PALLD: variants seen among roughly 807,000 people sequenced by gnomAD.
PALLD encodes the protein palladin, cytoskeletal associated protein.
PALLD carries 61 observed loss-of-function variants against 123.5 expected under a neutral mutation model. The ratio of observed to expected loss-of-function variants is 0.49; its 90% CI spans 0.40 to 0.61. The LOEUF (loss-of-function observed/expected upper bound fraction) is 0.61. PALLD is among the 20% of genes least tolerant of loss of function. PALLD has a pLI of 0.00. For synonymous variants in PALLD, 465 were observed against 496.4 expected, an observed-to-expected ratio of 0.94 and a Z score of 0.84; for missense variants, 1,273 against 1,377.0, an observed-to-expected ratio of 0.92 and a Z score of 1.20.
At chr4:168,508,862 C>A (rs1390769188) in intron 1 of PALLD, among the ~76,000 whole-genome samples, 1 of 152,244 alleles carries the variant, frequency 6.6e-6, no homozygotes, top group Admixed American at 6.5e-5. Context: ...AAGAGTTGAT[C>A]CTGATCCTGG....
At chr4:168,798,744 T>TCC (rs1561536068) in intron 10 of PALLD, among the ~76,000 whole-genome samples, 8 of 152,224 alleles carry the variant, frequency 5.3e-5, no homozygotes, top group Non-Finnish European at 1.0e-4. Context: ...TGTTTTAAAT[T>TCC]TTTTCAAAAT....
intron 10 of PALLD, among the ~76,000 whole-genome samples, chr4:168,864,982 ATTACATTAGAT>A (rs1268236571): frequency 1.3e-5 from 2 of 152,228 alleles, no homozygotes; most frequent in Non-Finnish European, 2.9e-5. Context: ...CTTAGGAGTA[ATTACATTAGAT>A]AATTGAACTG....
chr4:168,690,282 G>T (rs1426567281), intron 6 of PALLD, among the ~76,000 whole-genome samples: 1 of 152,146 alleles, frequency 6.6e-6, no homozygotes, highest in Non-Finnish European at 1.5e-5. Flanking sequence ...TGTAGATAAA[G>T]AAAGTTAACA....
chr4:168,878,429 C>T, intron 10 of PALLD: 3 of 1,432,586 alleles, frequency 2.1e-6, no homozygotes, highest in Non-Finnish European at 2.7e-6. Flanking sequence ...CTTCCCTGCC[C>T]CTCCGCCTCG....
intron 10 of PALLD, among the ~76,000 whole-genome samples, chr4:168,717,349 T>C (rs983881322): frequency 6.6e-6 from 1 of 151,774 alleles, no homozygotes; most frequent in Non-Finnish European, 1.5e-5. Context: ...TTTTGTTTTT[T>C]TGTTTTTTTT....
intron 2 of PALLD, among the ~76,000 whole-genome samples, chr4:168,613,033 A>G (rs1204201640): frequency 1.3e-5 from 2 of 152,204 alleles, no homozygotes; most frequent in African/African-American, 2.4e-5. Context: ...TCCCCCATCA[A>G]CTTCCTTCAG....
chr4:168,882,827 G>T (rs1372489543), intron 10 of PALLD, among the ~76,000 whole-genome samples: 1 of 152,116 alleles, frequency 6.6e-6, no homozygotes, highest in Non-Finnish European at 1.5e-5. Context: ...TGTGTACCAA[G>T]TTGTACAGAA....
intron 10 of PALLD, among the ~76,000 whole-genome samples, chr4:168,811,225 A>G (rs1229062145): frequency 6.6e-6 from 1 of 152,186 alleles, no homozygotes; most frequent in East Asian, 1.9e-4. Flanking sequence ...GTGACATCCC[A>G]AACATATTCT....
intron 4 of PALLD, 142 bp downstream of exon 4, chr4:168,681,540 A>ATTTTTTTTTTTTTTTTTTTTTTTTT (rs34328020): frequency 7.0e-6 from 2 of 284,912 alleles, no homozygotes; most frequent in Middle Eastern, 7.7e-4. Flanking sequence ...TTGGAACACA[A>ATTTTTTTTTTTTTTTTTTTTTTTTT]TTTTTTTTTT....
intron 10 of PALLD, among the ~76,000 whole-genome samples, chr4:168,717,806 T>C (rs925720052): frequency 6.6e-6 from 1 of 152,234 alleles, no homozygotes; most frequent in Non-Finnish European, 1.5e-5. Context: ...TGGGATAGAA[T>C]TACATTAGAA....
chr4:168,528,975 C>T lies in PALLD; in HGVS notation c.908+16563C>T, dbSNP rs112135041. Among the ~76,000 whole-genome samples the T allele has an allele frequency of 4.0e-5, 6 of 151,842 alleles. No homozygotes were observed. The East Asian group carries it at 1.2e-3, about 29-fold the overall frequency. Reference sequence around the variant, plus strand: ...GTTACAGTTTGAATTAGGAGTCACGCCAAAAGGAAGGTAGAAAGGAATCCA... The same window carrying T: ...GTTACAGTTTGAATTAGGAGTCACGTCAAAAGGAAGGTAGAAAGGAATCCA... On this transcript the variant is annotated intron_variant, in intron 2 of 21. Transcript: ENST00000505667.
In PALLD at chr4:168,732,722, A is replaced by G. The variant is rs1050431423; in HGVS notation, c.1964+20799A>G. 2.0e-5 allele frequency among the ~76,000 whole-genome samples: 3 copies of G among 152,344 alleles called. No individual in the cohort carries two copies. The South Asian group carries it at 6.2e-4, about 32-fold the overall frequency. Reference sequence around the variant, plus strand: ...TCTTATTCAAGCTGAGACTACCCAAAGACAAAAATGTTGCACTGATTTAAA... The same window carrying G: ...TCTTATTCAAGCTGAGACTACCCAAGGACAAAAATGTTGCACTGATTTAAA... On this transcript the variant is annotated intron_variant, in intron 10 of 21. Coordinates refer to ENST00000505667, the MANE Select transcript of PALLD (RefSeq NM_001166108.2).
At chr4:168,683,232 A>G in intron 5 of PALLD, 129 bp downstream of exon 5, 1 of 581,030 alleles carries the variant, frequency 1.7e-6, no homozygotes, top group Non-Finnish European at 3.1e-6. Flanking sequence ...CACAAAATTC[A>G]GAGCAAAGAA....
chr4:168,922,094 T>A, intron 18 of PALLD, among the ~76,000 whole-genome samples: 1 of 106,826 alleles, frequency 9.4e-6, no homozygotes, highest in East Asian at 2.8e-4. Context: ...TTTATATATA[T>A]ATATATATAC....
At chr4:168,924,537 T>C in intron 19 of PALLD, 117 bp downstream of exon 19, 1 of 1,052,290 alleles carries the variant, frequency 9.5e-7, no homozygotes. Flanking sequence ...TGTTTTGATT[T>C]TTGATGAAAT....
intron 10 of PALLD, among the ~76,000 whole-genome samples, chr4:168,825,951 G>A (rs1008804599): frequency 2.3e-4 from 35 of 152,070 alleles, no homozygotes; most frequent in African/African-American, 7.0e-4. Flanking sequence ...TGTAATCCTC[G>A]CCTAAATAGG....
intron 15 of PALLD, among the ~76,000 whole-genome samples, chr4:168,905,149 T>TG (rs1757397949): frequency 7.7e-6 from 1 of 130,146 alleles, no homozygotes; most frequent in Admixed American, 7.5e-5. Flanking sequence ...TTTTTTTTTT[T>TG]TTTTTTTTTT....
chr4:168,508,234 A>G (rs550373764), intron 1 of PALLD, among the ~76,000 whole-genome samples: 6 of 152,362 alleles, frequency 3.9e-5, no homozygotes, highest in Admixed American at 3.9e-4. Flanking sequence ...GTATTGAAAC[A>G]TCACTAGGTA....
chr4:168,594,795 T>A (rs1467992854), intron 2 of PALLD, among the ~76,000 whole-genome samples: 1 of 152,148 alleles, frequency 6.6e-6, no homozygotes, highest in Non-Finnish European at 1.5e-5. Context: ...TAGTGTTTGA[T>A]CCTGTAACAA....
Sources: allele counts gnomAD v4.1 joint callset (sites outside exome capture counted in the v4.1 genomes callset), GRCh38; gene constraint gnomAD v4.1.1; transcripts MANE v1.5; gene names NCBI Gene and HGNC (gene_info 2026-07-23, HGNC 2026-07-21).